DST: variants seen among roughly 807,000 people sequenced by gnomAD.
DST encodes bullous pemphigoid antigen.
Under a neutral mutation model 875.2 loss-of-function variants are expected in DST, and 253 were observed. The observed-to-expected ratio is 0.29, with a 90% CI of 0.26 to 0.32. The LOEUF is 0.32. Among genes scored for constraint, DST ranks in the 10% least tolerant of loss-of-function variants. The probability of loss-of-function intolerance (pLI) is 1.00; values close to 1 mark genes in which losing one functional copy is unlikely to be tolerated. For synonymous variants in DST, 3,124 were observed against 3,197.1 expected (o/e 0.98, Z 0.77); for missense variants, 8,287 against 9,111.6 (o/e 0.91, Z 3.68).
chr6:56,776,988 G>T (rs1013012198), intron 4 of DST, among the ~76,000 whole-genome samples: 4 of 152,114 alleles, frequency 2.6e-5, no homozygotes, highest in Non-Finnish European at 5.9e-5. Flanking sequence ...TATAGTAATG[G>T]AATCACACAC....
intron 2 of DST, among the ~76,000 whole-genome samples, chr6:56,926,063 A>T (rs1806927982): frequency 6.6e-6 from 1 of 152,224 alleles, no homozygotes; most frequent in Non-Finnish European, 1.5e-5. Context: ...CACAATGTGA[A>T]CATAAATCAA....
chr6:56,710,450 G>A (rs952393981), intron 5 of DST, among the ~76,000 whole-genome samples: 24 of 152,184 alleles, frequency 1.6e-4, no homozygotes, highest in African/African-American at 5.5e-4. Context: ...ACTGGGTGAC[G>A]AGAAGAAGGA....
chr6:56,550,002 T>C (rs533135789), intron 61 of DST, among the ~76,000 whole-genome samples: 2 of 152,244 alleles, frequency 1.3e-5, no homozygotes, highest in East Asian at 1.9e-4. Context: ...AGTAATAGCA[T>C]CTACCTCTCA....
intron 4 of DST, among the ~76,000 whole-genome samples, chr6:56,812,232 A>T (rs1014782553): frequency 6.6e-6 from 1 of 152,180 alleles, no homozygotes; most frequent in Non-Finnish European, 1.5e-5. Context: ...CATGTTTTTT[A>T]AACAGCTTAC....
intron 10 of DST, among the ~76,000 whole-genome samples, chr6:56,669,287 CAAAAAA>C (rs1055863442): frequency 5.8e-5 from 4 of 69,392 alleles, no homozygotes; most frequent in African/African-American, 2.1e-4. Flanking sequence ...TTTGTAAAAC[CAAAAAA>C]AAAAAAAAAA....
chr6:56,493,902 T>A (rs1421880217), intron 83 of DST, 108 bp downstream of exon 83: 7 of 841,426 alleles, frequency 8.3e-6, no homozygotes, highest in Non-Finnish European at 1.2e-5. Context: ...TGTTTAAACA[T>A]AAATCATTGA....
At chr6:56,603,458 G>A (rs753554021) in intron 41 of DST, 38 bp from the exon 42 acceptor site, 2 of 1,598,490 alleles carry the variant, frequency 1.3e-6, no homozygotes, top group Non-Finnish European at 1.7e-6. Context: ...TTACTATTTA[G>A]TGAAAAACCC....
rs62412552 is a variant in DST, at chr6:56,721,179, C to T, written c.687+14049G>A. 1.2e-3 allele frequency among the ~76,000 whole-genome samples: 110 copies of T among 91,290 alleles called. 1 individual carries two copies. In the East Asian group the frequency reaches 0.021, roughly 17 times the overall value. The allele number at this position is 91,290 out of a possible 152,430, so 59.9% of individuals were successfully genotyped here. A position where few individuals can be genotyped will look rare whatever the true frequency, so the allele number is the denominator to read the frequency against. On this transcript the variant is annotated intron_variant, in intron 5 of 103. Transcript: ENST00000680361. ...CCCACCTCCCAGATGGGGCGGCTGC[C>T]GGGCGGGGGTGCGCCCCCCACCTCC...
At chr6:56,759,070 G>A (rs1564032846) in intron 4 of DST, among the ~76,000 whole-genome samples, 1 of 152,318 alleles carries the variant, frequency 6.6e-6, no homozygotes, top group Middle Eastern at 3.4e-3. Flanking sequence ...TGCTACATAA[G>A]TGGAAATACA....
intron 4 of DST, among the ~76,000 whole-genome samples, chr6:56,738,793 T>C (rs1169172805): frequency 2.6e-5 from 4 of 151,976 alleles, no homozygotes; most frequent in Admixed American, 6.6e-5. Flanking sequence ...TGGTGAATTT[T>C]TGCATTTTTT....
At chr6:56,612,754 T>A (rs1013861125) in intron 37 of DST, among the ~76,000 whole-genome samples, 1 of 152,244 alleles carries the variant, frequency 6.6e-6, no homozygotes, top group Non-Finnish European at 1.5e-5. Context: ...TCAGCTGTTC[T>A]TAGACAGTTA....
rs2152431824 is a variant in DST, at chr6:56,487,159, T to C, written c.20992A>G (p.Met6998Val). The change falls in exon 87 of 104, where the codon ATG becomes GTG. Residue 6998 changes from methionine to valine, a missense_variant. By Grantham distance (21) the Met-to-Val change is conservative (BLOSUM62 1). Transcript: ENST00000680361. The stretch of plus-strand genomic sequence containing the variant: ...CATTTGTCTCTGAGTTCACTCAGCA[T>C]GTCATCCAGTTTCAGGTTGTCATCA... ...LADDNLKLDD[M>V]LSELRDKWDT... 1.2e-6 allele frequency: 2 copies of C among 1,614,016 alleles called. No individual in the cohort carries two copies. Among genetic ancestry groups the C allele is most frequent in the South Asian group, 2.2e-5 (2 of 91,084 alleles).
At chr6:56,552,064 C>A in intron 61 of DST, 120 bp downstream of exon 61, 1 of 1,204,116 alleles carries the variant, frequency 8.3e-7, no homozygotes, top group Non-Finnish European at 1.2e-6. Context: ...CTCATTCTGG[C>A]TCAAATATTG....
intron 97 of DST, 74 bp from the exon 98 acceptor site, chr6:56,469,073 C>T (rs1261471516): frequency 9.0e-7 from 1 of 1,111,982 alleles, no homozygotes; most frequent in Non-Finnish European, 1.3e-6. Flanking sequence ...CTAGAACATA[C>T]ACACATACTC....
At chr6:56,464,041 G>A (rs922714707) in intron 100 of DST, 4 of 482,658 alleles carry the variant, frequency 8.3e-6, no homozygotes, top group African/African-American at 7.8e-5. Context: ...ATTAAAGAAA[G>A]TGTCAGCATG....
rs116762675 is a variant in DST, at chr6:56,594,284, A to C, written c.12196-91T>G. The C allele has an allele frequency of 0.037, 38,148 of 1,041,378 alleles. 943 individuals carry two copies. The highest frequency in any genetic ancestry group is 0.045 in the Non-Finnish European group (33,015 of 731,188). The allele number at this position is 1,041,378 out of a possible 1,614,324, so 64.5% of individuals were successfully genotyped here. A position where few individuals can be genotyped will look rare whatever the true frequency, so the allele number is the denominator to read the frequency against. On this transcript the variant is annotated intron_variant, in intron 47 of 103. Coordinates refer to ENST00000680361, the MANE Select transcript of DST (RefSeq NM_001374736.1). ...TGCCGCCTCAAGACTGACAGGTTTC[A>C]ATGATCTACAGGGCTACAACTTGCT...
At chr6:56,481,472 TC>T (rs1189247409) in intron 90 of DST, among the ~76,000 whole-genome samples, 3 of 152,338 alleles carry the variant, frequency 2.0e-5, no homozygotes, top group Non-Finnish European at 4.4e-5. Context: ...GGTTAGTTAT[TC>T]AATAGAATAT....
chr6:56,575,809 G>T (rs1293987329), intron 50 of DST, among the ~76,000 whole-genome samples: 3 of 152,104 alleles, frequency 2.0e-5, no homozygotes, highest in Non-Finnish European at 4.4e-5. Flanking sequence ...TCCTGACATA[G>T]AGCTCCTAAG....
At chr6:56,530,433 C>T (rs1293671674) in intron 64 of DST, among the ~76,000 whole-genome samples, 1 of 152,126 alleles carries the variant, frequency 6.6e-6, no homozygotes, top group Non-Finnish European at 1.5e-5. Flanking sequence ...ATAATAATAA[C>T]AGCAGTAATA....
Sources: allele counts gnomAD v4.1 joint callset (sites outside exome capture counted in the v4.1 genomes callset), GRCh38; gene constraint gnomAD v4.1.1; transcripts MANE v1.5; gene names NCBI Gene and HGNC (gene_info 2026-07-23, HGNC 2026-07-21).